Variants in ANKRD13C observed in about 807,000 individuals in gnomAD.
ANKRD13C encodes ankyrin repeat domain-containing protein 13C.
Under a neutral mutation model 65.5 loss-of-function variants are expected in ANKRD13C, and 16 were observed. The observed-to-expected ratio is 0.24, with a 90% CI of 0.17 to 0.37. ANKRD13C has a LOEUF of 0.37. ANKRD13C is among the 10% of genes least tolerant of loss of function. The pLI, the probability that ANKRD13C is intolerant of heterozygous loss-of-function variation, is 1.00. For missense variants in ANKRD13C, 503 were observed against 655.9 expected, an observed-to-expected ratio of 0.77 and a Z score of 2.55; for synonymous variants, 235 against 238.7, an observed-to-expected ratio of 0.98 and a Z score of 0.14.
intron 1 of ANKRD13C, among the ~76,000 whole-genome samples, chr1:70,352,991 G>A (rs1052569008): frequency 3.9e-5 from 6 of 152,204 alleles, no homozygotes; most frequent in African/African-American, 1.4e-4. Flanking sequence ...TTATTTCACA[G>A]GCAAATATTT....
intron 9 of ANKRD13C, among the ~76,000 whole-genome samples, chr1:70,291,860 T>C (rs887484132): frequency 2.6e-5 from 4 of 151,644 alleles, no homozygotes; most frequent in African/African-American, 7.3e-5. Flanking sequence ...GGCTCACATC[T>C]GTAATTCTAG....
intron 1 of ANKRD13C, among the ~76,000 whole-genome samples, chr1:70,336,486 G>A (rs1682027301): frequency 6.6e-6 from 1 of 152,034 alleles, no homozygotes; most frequent in Non-Finnish European, 1.5e-5. Flanking sequence ...CGGAAAGTCT[G>A]CTGTTAGAGA....
chr1:70,315,475 G>A lies in ANKRD13C; in HGVS notation c.663+6C>T. 1 of 1,592,910 alleles carries A rather than the reference G, an allele frequency of 6.3e-7. No individual in the cohort carries two copies. Among genetic ancestry groups the A allele is most frequent in the Non-Finnish European group, 8.6e-7 (1 of 1,167,390 alleles). ...GGTGCAAAATTAACAAAGAAATATA[G>A]CTTACCTCTTTCAGGGCTTTTAATA... On this transcript the variant is annotated splice_donor_region_variant and intron_variant, in intron 4 of 12. Transcript: ENST00000370944.
intron 12 of ANKRD13C, among the ~76,000 whole-genome samples, chr1:70,270,453 C>CA (rs1678828181): frequency 6.6e-6 from 1 of 152,168 alleles, no homozygotes; most frequent in Non-Finnish European, 1.5e-5. Context: ...CAGCAGCCCC[C>CA]AACCTTTTTG....
At chr1:70,329,647 A>G (rs1681696328) in intron 2 of ANKRD13C, among the ~76,000 whole-genome samples, 1 of 152,230 alleles carries the variant, frequency 6.6e-6, no homozygotes, top group Non-Finnish European at 1.5e-5. Context: ...GACACATATC[A>G]GCAATGTTTC....
chr1:70,353,633 TAAAG>T (rs757158273), intron 1 of ANKRD13C, among the ~76,000 whole-genome samples: 27 of 151,916 alleles, frequency 1.8e-4, no homozygotes, highest in Non-Finnish European at 1.8e-4. Context: ...GAGAGAGAAA[TAAAG>T]ATATATAGCT....
intron 12 of ANKRD13C, among the ~76,000 whole-genome samples, chr1:70,263,829 A>T (rs1193046132): frequency 6.6e-6 from 1 of 152,204 alleles, no homozygotes; most frequent in Non-Finnish European, 1.5e-5. Context: ...AAACTCTGAA[A>T]TGAGTATATG....
At chr1:70,271,510 T>A (rs966382072) in intron 11 of ANKRD13C, among the ~76,000 whole-genome samples, 5 of 152,242 alleles carry the variant, frequency 3.3e-5, no homozygotes, top group Non-Finnish European at 7.3e-5. Context: ...CTACGACTGC[T>A]ACGTTTCTTG....
intron 1 of ANKRD13C, among the ~76,000 whole-genome samples, chr1:70,347,147 C>T (rs1572184871): frequency 7.0e-6 from 1 of 143,188 alleles, no homozygotes; most frequent in East Asian, 2.1e-4. Context: ...TGGTCTCAAA[C>T]TCAGATCTGA....
At chr1:70,349,873 T>C (rs1572189541) in intron 1 of ANKRD13C, among the ~76,000 whole-genome samples, 1 of 152,148 alleles carries the variant, frequency 6.6e-6, no homozygotes, top group South Asian at 2.1e-4. Flanking sequence ...TGGTGGCTCA[T>C]GCCTGTAATC....
rs757581984 is a variant in ANKRD13C, at chr1:70,310,626, T to G, written c.709+3119A>C. 1.1e-4 allele frequency among the ~76,000 whole-genome samples: 16 copies of G among 152,242 alleles called. 1 individual carries two copies. The highest frequency in any genetic ancestry group is 7.3e-5 in the Non-Finnish European group (5 of 68,034). ...ACACAATTTTAGAAGTGATTGCATG[T>G]ATTTATATTTTAGTATAATTAAAAT... is the stretch of plus-strand genomic sequence containing the variant. On this transcript the variant is annotated intron_variant, in intron 5 of 12. Coordinates refer to ENST00000370944, the MANE Select transcript of ANKRD13C (RefSeq NM_030816.5).
Position 70,261,748 on chromosome 1 carries a change from T to G in ANKRD13C, c.*969A>C, listed in dbSNP as rs1678398225. 6.6e-6 allele frequency: 1 copy of G among 152,552 alleles called. No homozygotes were observed. The allele number at this position is 152,552 out of a possible 1,614,324, so 9.4% of individuals were successfully genotyped here. ...ATTAAATATGTAGGGTTGTCCAAAATATGTGTATTGTTTTTTAAAACTGAC... is the reference window on the plus strand; with the variant it reads ...ATTAAATATGTAGGGTTGTCCAAAAGATGTGTATTGTTTTTTAAAACTGAC... On this transcript the variant is annotated 3_prime_UTR_variant, in exon 13 of 13. Transcript: ENST00000370944.
At chr1:70,284,798 T>C (rs576077219) in intron 9 of ANKRD13C, among the ~76,000 whole-genome samples, 1 of 152,368 alleles carries the variant, frequency 6.6e-6, no homozygotes, top group Admixed American at 6.5e-5. Context: ...ACAAGGCCCA[T>C]GCTAACAACT....
intron 12 of ANKRD13C, among the ~76,000 whole-genome samples, chr1:70,263,054 T>G (rs1678457781): frequency 6.6e-6 from 1 of 151,848 alleles, no homozygotes; most frequent in Non-Finnish European, 1.5e-5. Flanking sequence ...AAAAAGACAT[T>G]CAGGCATCCA....
intron 1 of ANKRD13C, among the ~76,000 whole-genome samples, chr1:70,337,564 A>G (rs775844837): frequency 2.7e-4 from 41 of 152,110 alleles, no homozygotes; most frequent in Non-Finnish European, 5.1e-4. Context: ...CTGGGCGACA[A>G]GAGTGAAACT....
chr1:70,350,963 T>C (rs960120759), intron 1 of ANKRD13C, among the ~76,000 whole-genome samples: 2 of 152,146 alleles, frequency 1.3e-5, no homozygotes, highest in Admixed American at 6.5e-5. Flanking sequence ...GAGTTTGAGA[T>C]AGGCCTGGAC....
chr1:70,318,835 A>T (rs1681183192), intron 3 of ANKRD13C, among the ~76,000 whole-genome samples: 1 of 152,066 alleles, frequency 6.6e-6, no homozygotes, highest in African/African-American at 2.4e-5. Context: ...GGTGTGCGCC[A>T]CCATGCCCAG....
chr1:70,279,530 T>TA (rs1283971351), intron 9 of ANKRD13C, among the ~76,000 whole-genome samples: 4 of 128,536 alleles, frequency 3.1e-5, no homozygotes, highest in Non-Finnish European at 6.5e-5. Context: ...TTTTGAGACA[T>TA]AGTCTTGCTC....
chr1:70,297,669 A>G (rs2101315672), intron 7 of ANKRD13C, among the ~76,000 whole-genome samples: 1 of 149,258 alleles, frequency 6.7e-6, no homozygotes, highest in South Asian at 2.2e-4. Flanking sequence ...TAATCCCAGC[A>G]CTTTGGGAGG....
Sources: gnomAD v4.1 joint callset for allele counts (sites outside exome capture counted in the v4.1 genomes callset) on GRCh38, gnomAD v4.1.1 for gene constraint, MANE v1.5 for transcripts, NCBI Gene and HGNC (gene_info 2026-07-23, HGNC 2026-07-21) for gene names.